The following AADACL2 variants were observed in gnomAD, a reference collection of about 807,000 sequenced individuals.
The protein encoded by AADACL2 is arylacetamide deacetylase-like 2.
In AADACL2, 23 loss-of-function variants were observed where a neutral mutation model predicts 22.3. The ratio of observed to expected loss-of-function variants is 1.03; its 90% CI spans 0.74 to 1.46. The LOEUF (loss-of-function observed/expected upper bound fraction) is 1.46, where lower values mean the gene tolerates loss of function less well. Ranked by LOEUF, AADACL2 falls within the 40% of genes most tolerant of loss-of-function variation. AADACL2 has a pLI of 0.00. For missense variants in AADACL2, 472 were observed against 482.9 expected (o/e 0.98, Z 0.21); for synonymous variants, 177 against 166.2 (o/e 1.07, Z -0.50).
At chr3:151,755,767 C>T (rs1713874198) in intron 4 of AADACL2, among the ~76,000 whole-genome samples, 1 of 152,058 alleles carries the variant, frequency 6.6e-6, no homozygotes, top group Admixed American at 6.6e-5. Context: ...CACTTTTTGA[C>T]CTGTCCCTGT....
At chr3:151,739,811 C>G (rs190147504) in intron 1 of AADACL2, among the ~76,000 whole-genome samples, 17 of 152,290 alleles carry the variant, frequency 1.1e-4, no homozygotes, top group African/African-American at 3.8e-4. Flanking sequence ...TTAGCACTGT[C>G]AGGGGAAAAC....
At position 151,757,827 on chromosome 3, in the gene AADACL2, T is replaced by A; in HGVS notation, c.*233T>A. The A allele has an allele frequency of 2.9e-6, 1 of 350,302 alleles. No homozygotes were observed. The highest frequency in any genetic ancestry group is 5.0e-6 in the Non-Finnish European group (1 of 198,742). The allele number at this position is 350,302 out of a possible 1,614,324, so 21.7% of individuals were successfully genotyped here. A position where few individuals can be genotyped will look rare whatever the true frequency, so the allele number is the denominator to read the frequency against. On this transcript the variant is annotated 3_prime_UTR_variant, in exon 5 of 5. Coordinates refer to ENST00000356517, the MANE Select transcript of AADACL2 (RefSeq NM_207365.4). Reference sequence around the variant, plus strand: ...CCTTACTTATAATTTATTATAATTATGTTGGTTCTAATAAGAACCAATGCT... The same window carrying A: ...CCTTACTTATAATTTATTATAATTAAGTTGGTTCTAATAAGAACCAATGCT...
chr3:151,756,970 G>T (rs1442865916), intron 4 of AADACL2, 22 bp from the exon 5 acceptor site: 2 of 1,560,186 alleles, frequency 1.3e-6, no homozygotes, highest in South Asian at 1.2e-5. Flanking sequence ...TTGCATTACA[G>T]AATATTACCA....
At chr3:151,751,810 CCAAA>C (rs1323380541) in intron 4 of AADACL2, among the ~76,000 whole-genome samples, 1 of 152,162 alleles carries the variant, frequency 6.6e-6, no homozygotes, top group Non-Finnish European at 1.5e-5. Context: ...AACACAGGCA[CCAAA>C]CAGAGACGTG....
At chr3:151,747,973 T>C (rs1453448758) in intron 4 of AADACL2, among the ~76,000 whole-genome samples, 1 of 152,142 alleles carries the variant, frequency 6.6e-6, no homozygotes, top group Non-Finnish European at 1.5e-5. Flanking sequence ...TTATTTGTTT[T>C]CTTGCCATTT....
At chr3:151,746,339 T>C (rs1713442636) in intron 4 of AADACL2, among the ~76,000 whole-genome samples, 1 of 150,576 alleles carries the variant, frequency 6.6e-6, no homozygotes, top group African/African-American at 2.4e-5. Flanking sequence ...AACTCACTTA[T>C]AACGCTAGTG....
intron 4 of AADACL2, among the ~76,000 whole-genome samples, chr3:151,754,830 T>C (rs1422049499): frequency 6.6e-6 from 1 of 152,166 alleles, no homozygotes; most frequent in African/African-American, 2.4e-5. Flanking sequence ...CATCCTGAGA[T>C]GAATGTCACA....
rs1297868663 is a variant in AADACL2, at chr3:151,760,796, A to G, written c.*3202A>G. 3 of 152,092 alleles carry G rather than the reference A, an allele frequency of 2.0e-5. No homozygotes were observed. The highest frequency in any genetic ancestry group is 1.5e-5 in the Non-Finnish European group (1 of 68,022). The allele number at this position is 152,092 out of a possible 1,614,324, so 9.4% of individuals were successfully genotyped here. On this transcript the variant is annotated 3_prime_UTR_variant, in exon 5 of 5. Transcript: ENST00000356517. ...TGTGGTTCAGAAGGCTAGAAGTTGG[A>G]GATCAAGGTGTCATCACACCATGGT...
intron 1 of AADACL2, among the ~76,000 whole-genome samples, chr3:151,735,642 C>T (rs1713063024): frequency 1.3e-5 from 2 of 152,164 alleles, no homozygotes; most frequent in African/African-American, 4.8e-5. Context: ...CCTGTAATCC[C>T]AGCTACTGGG....
intron 1 of AADACL2, among the ~76,000 whole-genome samples, chr3:151,737,816 C>T (rs1328511918): frequency 1.3e-5 from 2 of 151,982 alleles, no homozygotes; most frequent in Non-Finnish European, 1.5e-5. Context: ...GGTGAATCTT[C>T]CTCAATCCCT....
At chr3:151,752,550 A>G (rs1713712243) in intron 4 of AADACL2, among the ~76,000 whole-genome samples, 1 of 152,224 alleles carries the variant, frequency 6.6e-6, no homozygotes, top group South Asian at 2.1e-4. Flanking sequence ...ACTCTTGTGG[A>G]CATGGTGCCT....
rs570565982 is a variant in AADACL2, at chr3:151,746,213, T to C, written c.603+533T>C. 1.8e-4 allele frequency among the ~76,000 whole-genome samples: 27 copies of C among 152,182 alleles called. No individual in the cohort carries two copies. The Middle Eastern group carries it at 0.017, about 96-fold the overall frequency. ...TTTTTTAAAATTTTTATTAAAATAC[T>C]ATTTTCTGAATGTTTATTTGGAACA... On this transcript the variant is annotated intron_variant, in intron 4 of 4. Coordinates refer to ENST00000356517, the MANE Select transcript of AADACL2 (RefSeq NM_207365.4).
intron 1 of AADACL2, among the ~76,000 whole-genome samples, chr3:151,734,751 G>C (rs2107978865): frequency 6.6e-6 from 1 of 152,238 alleles, no homozygotes; most frequent in South Asian, 2.1e-4. Context: ...TTCTTAAGTT[G>C]TATAGGCTTT....
intron 1 of AADACL2, among the ~76,000 whole-genome samples, chr3:151,736,989 G>A (rs1177946193): frequency 6.6e-6 from 1 of 151,928 alleles, no homozygotes; most frequent in Non-Finnish European, 1.5e-5. Flanking sequence ...AGCATCTGTT[G>A]TTTCCTGACT....
rs921829078 is a variant in AADACL2, at chr3:151,757,769, T to C, written c.*175T>C. 7.9e-6 allele frequency: 5 copies of C among 634,980 alleles called. No individual in the cohort carries two copies. Among genetic ancestry groups the C allele is most frequent in the Non-Finnish European group, 1.0e-5 (4 of 399,842 alleles). The allele number at this position is 634,980 out of a possible 1,614,324, so 39.3% of individuals were successfully genotyped here. On this transcript the variant is annotated 3_prime_UTR_variant, in exon 5 of 5. Transcript: ENST00000356517. ...AATTTTCTGACTTGCAGACCCTGAATATGTAAAATGTATGTAATCCTGCCT... is the reference window on the plus strand; with the variant it reads ...AATTTTCTGACTTGCAGACCCTGAACATGTAAAATGTATGTAATCCTGCCT...
intron 1 of AADACL2, 132 bp from the exon 2 acceptor site, chr3:151,740,514 T>C: frequency 1.6e-6 from 1 of 626,070 alleles, no homozygotes; most frequent in Middle Eastern, 4.4e-4. Context: ...TATTTGGAAA[T>C]AATATTTTTA....
At chr3:151,748,356 T>C (rs1368089785) in intron 4 of AADACL2, among the ~76,000 whole-genome samples, 1 of 151,218 alleles carries the variant, frequency 6.6e-6, no homozygotes, top group Middle Eastern at 3.4e-3. Context: ...TTCTCAACAT[T>C]ATTTATTGAA....
At chr3:151,744,369 A>G (rs1576613170) in intron 3 of AADACL2, among the ~76,000 whole-genome samples, 2 of 152,270 alleles carry the variant, frequency 1.3e-5, no homozygotes, top group South Asian at 2.1e-4. Context: ...TATACCCCAG[A>G]GTAAGCAGTT....
In AADACL2 at chr3:151,740,877, A is replaced by T; in HGVS notation, c.361+9A>T. On this transcript the variant is annotated intron_variant, in intron 2 of 4. Coordinates refer to ENST00000356517, the MANE Select transcript of AADACL2 (RefSeq NM_207365.4). ...TTGTTTTGGAAGTTCCAGTAAGTTC[A>T]TTGTATAAGGAAAAAGTGTAGCTAG... The T allele has an allele frequency of 6.2e-7, 1 of 1,612,460 alleles. No homozygotes were observed. Among genetic ancestry groups the T allele is most frequent in the Non-Finnish European group, 8.5e-7 (1 of 1,178,664 alleles).
Sources: gnomAD v4.1 joint callset for allele counts (sites outside exome capture counted in the v4.1 genomes callset) on GRCh38, gnomAD v4.1.1 for gene constraint, MANE v1.5 for transcripts, NCBI Gene and HGNC (gene_info 2026-07-23, HGNC 2026-07-21) for gene names.